The following FOXP2 variants were observed in gnomAD, a reference collection of about 807,000 sequenced individuals.
FOXP2 encodes the protein forkhead box P2.
Under a neutral mutation model 115.8 loss-of-function variants are expected in FOXP2, and 12 were observed. That is an observed-to-expected ratio of 0.10 (90% CI 0.07 to 0.17). FOXP2 has a LOEUF of 0.17. Ranked by LOEUF, FOXP2 falls within the 10% of genes least tolerant of loss-of-function variation. FOXP2 has a pLI of 1.00. For missense variants in FOXP2, 629 were observed against 843.5 expected (o/e 0.75, Z 3.15); for synonymous variants, 328 against 297.7 (o/e 1.10, Z -1.05).
chr7:114,476,494 T>A (rs966807239), intron 2 of FOXP2, among the ~76,000 whole-genome samples: 1 of 151,878 alleles, frequency 6.6e-6, no homozygotes, highest in African/African-American at 2.4e-5. Context: ...TGTTTTTATA[T>A]CAGTACCATG....
chr7:114,199,197 C>A (rs1793993264), intron 1 of FOXP2, among the ~76,000 whole-genome samples: 1 of 151,990 alleles, frequency 6.6e-6, no homozygotes, highest in South Asian at 2.1e-4. Context: ...ATATTAATTT[C>A]ACCTGAAAAT....
At chr7:114,533,153 A>G (rs926938783) in intron 2 of FOXP2, among the ~76,000 whole-genome samples, 2 of 151,974 alleles carry the variant, frequency 1.3e-5, no homozygotes, top group African/African-American at 4.8e-5. Flanking sequence ...GTGTCTCCAA[A>G]TGTAAAAAGT....
intron 1 of FOXP2, among the ~76,000 whole-genome samples, chr7:114,142,169 CCCA>C (rs944629059): frequency 5.9e-5 from 9 of 151,998 alleles, no homozygotes; most frequent in Non-Finnish European, 1.3e-4. Flanking sequence ...ATTACAGGTG[CCCA>C]CCACCACGTC....
chr7:114,305,814 G>A lies in FOXP2; in HGVS notation c.-11+17705G>A, dbSNP rs539154660. On this transcript the variant is annotated intron_variant, in intron 2 of 17. Coordinates refer to the FOXP2 transcript ENST00000634411. ...ATATTAACTCATTTAATATTTCACC[G>A]GCCTTATAATATAGGTACTGCTATT... 1.6e-3 allele frequency among the ~76,000 whole-genome samples: 250 copies of A among 152,016 alleles called. 1 individual carries two copies. The highest frequency in any genetic ancestry group is 3.4e-3 in the Middle Eastern group (1 of 292).
intron 2 of FOXP2, among the ~76,000 whole-genome samples, chr7:114,299,666 G>T (rs1375972796): frequency 6.6e-6 from 1 of 151,834 alleles, no homozygotes; most frequent in African/African-American, 2.4e-5. Context: ...GTCACTTAAA[G>T]CTATAAATAT....
intron 3 of FOXP2, among the ~76,000 whole-genome samples, chr7:114,547,642 C>T (rs1799996380): frequency 6.6e-6 from 1 of 152,026 alleles, no homozygotes; most frequent in Non-Finnish European, 1.5e-5. Context: ...GCCTGTAATC[C>T]CAGCAACTTG....
chr7:114,643,018 AG>A (rs1207686473), intron 7 of FOXP2, among the ~76,000 whole-genome samples: 78 of 151,008 alleles, frequency 5.2e-4, no homozygotes, highest in African/African-American at 1.8e-3. Context: ...TCACCATGTT[AG>A]CCAGGATGGT....
At chr7:114,641,035 T>C (rs1243233451) in intron 6 of FOXP2, among the ~76,000 whole-genome samples, 1 of 152,232 alleles carries the variant, frequency 6.6e-6, no homozygotes, top group Non-Finnish European at 1.5e-5. Flanking sequence ...TCAGTAGTTT[T>C]AATATTTTCT....
At chr7:114,488,577 A>G (rs996386533) in intron 2 of FOXP2, among the ~76,000 whole-genome samples, 1 of 152,142 alleles carries the variant, frequency 6.6e-6, no homozygotes, top group African/African-American at 2.4e-5. Flanking sequence ...TCATCTTCAG[A>G]TTCAATTTTG....
chr7:114,178,124 G>T (rs1027314521), intron 1 of FOXP2, among the ~76,000 whole-genome samples: 2 of 151,888 alleles, frequency 1.3e-5, no homozygotes, highest in East Asian at 3.9e-4. Flanking sequence ...ATAACAATTT[G>T]TAGGAAATGT....
At chr7:114,118,512 T>A (rs1454511636) in intron 1 of FOXP2, among the ~76,000 whole-genome samples, 1 of 151,308 alleles carries the variant, frequency 6.6e-6, no homozygotes, top group Non-Finnish European at 1.5e-5. Context: ...CTTGACAGGC[T>A]AGAATAGATA....
At chr7:114,165,015 G>T (rs1022103785) in intron 1 of FOXP2, among the ~76,000 whole-genome samples, 2 of 152,030 alleles carry the variant, frequency 1.3e-5, no homozygotes, top group African/African-American at 4.8e-5. Flanking sequence ...CTAGACTTTA[G>T]TGTTTGGAAA....
intron 1 of FOXP2, among the ~76,000 whole-genome samples, chr7:114,122,150 A>G (rs1350696565): frequency 6.6e-6 from 1 of 150,658 alleles, no homozygotes; most frequent in Non-Finnish European, 1.5e-5. Context: ...TTCTTGGCAT[A>G]AAACACTTAA....
intron 3 of FOXP2, among the ~76,000 whole-genome samples, chr7:114,536,392 CTTTT>C (rs1361699609): frequency 1.0e-5 from 1 of 96,112 alleles, no homozygotes; most frequent in Non-Finnish European, 2.1e-5. Context: ...TTTAGTTTTT[CTTTT>C]CTTTTTTTTT....
chr7:114,173,254 A>G (rs1793195073), intron 1 of FOXP2, among the ~76,000 whole-genome samples: 2 of 151,972 alleles, frequency 1.3e-5, no homozygotes, highest in East Asian at 1.9e-4. Flanking sequence ...AATGAAAAAG[A>G]CTATCTTCGT....
At chr7:114,565,041 G>A (rs1016516853) in intron 3 of FOXP2, among the ~76,000 whole-genome samples, 2 of 150,052 alleles carry the variant, frequency 1.3e-5, no homozygotes, top group South Asian at 4.2e-4. Context: ...AATATTTTGA[G>A]AACTGAATCT....
Position 114,429,510 on chromosome 7 carries a change from T to C in FOXP2, c.168+2831T>C, listed in dbSNP as rs566125398. Among the ~76,000 whole-genome samples the C allele has an allele frequency of 8.0e-4, 122 of 151,718 alleles. 5 individuals carry two copies. The South Asian group carries it at 0.025, about 31-fold the overall frequency. ...GCATATTTCAGATGTTGTTTTAGAT[T>C]AACTACATTGAGAAATTATTCTGCA... is the stretch of plus-strand genomic sequence containing the variant. On this transcript the variant is annotated intron_variant, in intron 2 of 16. Transcript: ENST00000350908.
intron 3 of FOXP2, among the ~76,000 whole-genome samples, chr7:114,594,613 T>A (rs567005770): frequency 3.5e-4 from 53 of 152,210 alleles, no homozygotes; most frequent in Non-Finnish European, 7.1e-4. Context: ...TTCTATTCAT[T>A]TGACTAAAAC....
intron 1 of FOXP2, among the ~76,000 whole-genome samples, chr7:114,149,974 A>G (rs1792487645): frequency 6.6e-6 from 1 of 152,056 alleles, no homozygotes; most frequent in Admixed American, 6.6e-5. Context: ...AAAAAGATTG[A>G]GGGATTATAT....
Sources: gnomAD v4.1 joint callset for allele counts (sites outside exome capture counted in the v4.1 genomes callset) on GRCh38, gnomAD v4.1.1 for gene constraint, MANE v1.5 for transcripts, NCBI Gene and HGNC (gene_info 2026-07-23, HGNC 2026-07-21) for gene names.